Variants in GPR78 observed in about 807,000 individuals in gnomAD.
The protein encoded by GPR78 is G protein-coupled receptor 78.
Under a neutral mutation model 17.9 loss-of-function variants are expected in GPR78, and 29 were observed. The observed-to-expected ratio is 1.62, with a 90% CI of 1.20 to 2.21. The LOEUF is 2.21. Among genes scored for constraint, GPR78 ranks in the 30% most tolerant of loss-of-function variants. The pLI is 0.00. For missense variants in GPR78, 649 were observed against 530.5 expected (o/e 1.22, Z -2.19); for synonymous variants, 349 against 256.9 (o/e 1.36, Z -3.43).
intron 1 of GPR78, among the ~76,000 whole-genome samples, chr4:8,582,128 C>T (rs1713318463): frequency 6.6e-6 from 1 of 152,118 alleles, no homozygotes; most frequent in Non-Finnish European, 1.5e-5. Context: ...TTCCAAATTA[C>T]CTCCTGTAGG....
chr4:8,587,061 G>C lies in GPR78; in HGVS notation c.790G>C (p.Glu264Gln), dbSNP rs778319251. The change falls in exon 3 of 3, where the codon GAG (glutamate) becomes CAG (glutamine). Residue 264 changes from glutamate to glutamine, a missense_variant. Coordinates refer to ENST00000382487, the MANE Select transcript of GPR78 (RefSeq NM_080819.5). ...GCTCCGCTTCCCCAACAGGCTGGCG[G>C]AGCTCGTGCCCTTCGTCACCGTGAA... Reference protein sequence around the residue: ...FAPYVMTRLAELVPFVTVNAQ... With the variant: ...FAPYVMTRLAQLVPFVTVNAQ... 2 of 1,610,824 alleles carry C rather than the reference G, an allele frequency of 1.2e-6. No homozygotes were observed. The highest frequency in any genetic ancestry group is 1.7e-6 in the Non-Finnish European group (2 of 1,178,304).
chr4:8,582,492 C>T (rs1161624979), intron 1 of GPR78, 39 bp from the exon 2 acceptor site: 1 of 1,412,194 alleles, frequency 7.1e-7, no homozygotes, highest in Admixed American at 1.7e-5. Context: ...TCTGTCCCCA[C>T]CCTGCCATCA....
chr4:8,583,272 C>A (rs1015477163), intron 2 of GPR78, among the ~76,000 whole-genome samples: 1 of 152,212 alleles, frequency 6.6e-6, no homozygotes, highest in Non-Finnish European at 1.5e-5. Flanking sequence ...CTTAGCTCCA[C>A]TCAAGGAAAT....
At chr4:8,582,830 C>T (rs1713353348) in intron 2 of GPR78, 186 bp downstream of exon 2, 2 of 586,488 alleles carry the variant, frequency 3.4e-6, no homozygotes, top group African/African-American at 1.9e-5. Context: ...AGGGAGGTGG[C>T]ACTGGCTCCC....
chr4:8,580,959 G>C lies in GPR78; in HGVS notation c.-24G>C. On this transcript the variant is annotated 5_prime_UTR_variant, in exon 1 of 3. Coordinates refer to ENST00000382487, the MANE Select transcript of GPR78 (RefSeq NM_080819.5). ...CGAAGCAGAGCCATGAGAACCCCAG[G>C]GTGCCTGGCGAGCCGCTAGCGCCAT... The C allele has an allele frequency of 6.6e-7, 1 of 1,525,930 alleles. No homozygotes were observed. Among genetic ancestry groups the C allele is most frequent in the African/African-American group, 1.4e-5 (1 of 72,946 alleles). The allele number at this position is 1,525,930 out of a possible 1,614,324, so 94.5% of individuals were successfully genotyped here.
chr4:8,587,491 C>CAGG lies in GPR78; in HGVS notation c.*143_*145dup, dbSNP rs570752885. ...TTGACTTTGAGCTAAGGCTGAAGTA[C>CAGG]AGGAGGAGGAGGAGGAGAGGGCCGG... On this transcript the variant is annotated 3_prime_UTR_variant, in exon 3 of 3. Transcript: ENST00000382487. The CAGG allele has an allele frequency of 3.3e-6, 3 of 897,818 alleles. No individual in the cohort carries two copies. Among genetic ancestry groups the CAGG allele is most frequent in the Non-Finnish European group, 5.1e-6 (3 of 592,728 alleles). The allele number at this position is 897,818 out of a possible 1,614,324, so 55.6% of individuals were successfully genotyped here. A position where few individuals can be genotyped will look rare whatever the true frequency, so the allele number is the denominator to read the frequency against.
rs374264220 is a variant in GPR78 at position 8,581,203 on chromosome 4, C to T, written c.221C>T (p.Ser74Leu). ...GGTGTGATGCGCGGGCGGACACCGT[C>T]GGCGCCCGGCGCATGCCAAGTCATT... ...LLGVMRGRTP[S>L]APGACQVIGF... The change falls in exon 1 of 3, where the codon TCG becomes TTG. Residue 74 changes from serine (S) to leucine (L), a missense_variant. Transcript: ENST00000382487. The T allele has an allele frequency of 6.3e-6, 10 of 1,599,312 alleles. No individual in the cohort carries two copies. In the African/African-American group the frequency reaches 8.0e-5, roughly 13 times the overall value.
chr4:8,581,092 G>C lies in GPR78; in HGVS notation c.110G>C (p.Arg37Pro). 6.2e-7 allele frequency: 1 copy of C among 1,605,968 alleles called. No homozygotes were observed. The highest frequency in any genetic ancestry group is 8.5e-7 in the Non-Finnish European group (1 of 1,179,428). The change falls in exon 1 of 3, where the codon CGC (arginine) becomes CCC (proline). Residue 37 changes from arginine to proline, a missense_variant. Physicochemically the swap from Arg to Pro is moderately radical, Grantham distance 103. Coordinates refer to ENST00000382487, the MANE Select transcript of GPR78 (RefSeq NM_080819.5). Reference protein sequence around the residue: ...LLCCAYSAELRTRASGVLLVN... With the variant: ...LLCCAYSAELPTRASGVLLVN... Reference sequence around the variant, plus strand: ...TGTTGCGCCTACAGCGCTGAGCTCCGCACTCGAGCCTCAGGCGTCCTCCTG... The same window carrying C: ...TGTTGCGCCTACAGCGCTGAGCTCCCCACTCGAGCCTCAGGCGTCCTCCTG...
At position 8,589,894 on chromosome 4, in the gene GPR78, G is replaced by A. The variant is rs923045930; in HGVS notation, c.*2531G>A. Reference sequence around the variant, plus strand: ...TGGCTCCCACACTGGGCTATCCCTTGCCTTAGGCTTGTGGCCTTTTTTTTT... The same window carrying A: ...TGGCTCCCACACTGGGCTATCCCTTACCTTAGGCTTGTGGCCTTTTTTTTT... On this transcript the variant is annotated 3_prime_UTR_variant, in exon 3 of 3. Transcript: ENST00000382487. Among the ~76,000 whole-genome samples the A allele has an allele frequency of 6.8e-6, 1 of 146,460 alleles. No individual in the cohort carries two copies. Among genetic ancestry groups the A allele is most frequent in the African/African-American group, 2.5e-5 (1 of 39,424 alleles).
rs1387338934 is a variant in GPR78, at chr4:8,581,281, T to A, written c.299T>A (p.Leu100Gln). The A allele has an allele frequency of 6.3e-7, 1 of 1,588,992 alleles. No homozygotes were observed. ...AACGCGGCGCTGAGCGTGGCGGCGC[T>A]GAGCGCAGACCAGTGGCTGGCAGTG... Reference protein sequence around the residue: ...ASNAALSVAALSADQWLAVGF... With the variant: ...ASNAALSVAAQSADQWLAVGF... The change falls in exon 1 of 3, where the codon CTG becomes CAG. Residue 100 changes from leucine (L) to glutamine (Q), a missense_variant. Coordinates refer to ENST00000382487, the MANE Select transcript of GPR78 (RefSeq NM_080819.5).
At position 8,581,505 on chromosome 4, in the gene GPR78, A is replaced by T. The variant is rs907348878; in HGVS notation, c.523A>T (p.Thr175Ser). The change falls in exon 1 of 3, where the codon ACG (threonine) becomes TCG (serine). Residue 175 changes from threonine (T) to serine (S), a missense_variant. Thr to Ser is a moderately conservative substitution (Grantham distance 58). Transcript: ENST00000382487. Reference protein sequence around the residue: ...ERPRFAAFTATLHAVGFVLPL... With the variant: ...ERPRFAAFTASLHAVGFVLPL... ...TCCGCGCTTCGCAGCCTTCACCGCCACGCTCCATGCCGTGGGCTTCGTGCT... is the reference window on the plus strand; with the variant it reads ...TCCGCGCTTCGCAGCCTTCACCGCCTCGCTCCATGCCGTGGGCTTCGTGCT... 1 of 1,591,808 alleles carries T rather than the reference A, an allele frequency of 6.3e-7. No individual in the cohort carries two copies. Among genetic ancestry groups the T allele is most frequent in the South Asian group, 1.1e-5 (1 of 89,414 alleles).
rs1244157532 is a variant in GPR78 at position 8,581,301 on chromosome 4, G to A, written c.319G>A (p.Ala107Thr). The A allele has an allele frequency of 4.4e-6, 7 of 1,585,476 alleles. No individual in the cohort carries two copies. Among genetic ancestry groups the A allele is most frequent in the Non-Finnish European group, 6.0e-6 (7 of 1,172,018 alleles). The change falls in exon 1 of 3, where the codon GCA becomes ACA. Residue 107 changes from alanine to threonine, a missense_variant. Physicochemically the swap from Ala to Thr is moderately conservative, Grantham distance 58. Transcript: ENST00000382487. Reference sequence around the variant, plus strand: ...GGCGCTGAGCGCAGACCAGTGGCTGGCAGTGGGCTTCCCACTGCGCTACGC... The same window carrying A: ...GGCGCTGAGCGCAGACCAGTGGCTGACAGTGGGCTTCCCACTGCGCTACGC... ...VAALSADQWL[A>T]VGFPLRYAGR...
chr4:8,586,092 G>A (rs901676144), intron 2 of GPR78, among the ~76,000 whole-genome samples: 1 of 152,204 alleles, frequency 6.6e-6, no homozygotes, highest in African/African-American at 2.4e-5. Flanking sequence ...AAGTGTGCTT[G>A]TGACAGCTGT....
chr4:8,581,288 A>G lies in GPR78; in HGVS notation c.306A>G (p.Ala102=), dbSNP rs1429381759. The G allele has an allele frequency of 1.3e-6, 2 of 1,587,184 alleles. No homozygotes were observed. Among genetic ancestry groups the G allele is most frequent in the African/African-American group, 2.7e-5 (2 of 74,710 alleles). ...CGCTGAGCGTGGCGGCGCTGAGCGCAGACCAGTGGCTGGCAGTGGGCTTCC... is the reference window on the plus strand; with the variant it reads ...CGCTGAGCGTGGCGGCGCTGAGCGCGGACCAGTGGCTGGCAGTGGGCTTCC... ...NAALSVAALS[A]DQWLAVGFPL... Residue 102 remains alanine (A), a synonymous_variant, in exon 1 of 3, where the codon GCA becomes GCG. Transcript: ENST00000382487.
Position 8,581,183 on chromosome 4 carries a change from GA to G in GPR78, c.202del (p.Met68CysfsTer28). The part of the protein sequence containing the change: ...LDMPFTLLGV[M>X]RGRTPSAPGA... Reference sequence around the variant, plus strand: ...ACATGCCCTTCACGCTGCTCGGTGTGATGCGCGGGCGGACACCGTCGGCGCC... The same window carrying G: ...ACATGCCCTTCACGCTGCTCGGTGTGTGCGCGGGCGGACACCGTCGGCGCC... On this transcript the variant is annotated frameshift_variant, in exon 1 of 3. Transcript: ENST00000382487. LOFTEE classifies it high-confidence loss of function. 6.2e-7 allele frequency: 1 copy of G among 1,602,948 alleles called. No homozygotes were observed. The highest frequency in any genetic ancestry group is 8.5e-7 in the Non-Finnish European group (1 of 1,179,236).
In GPR78 at chr4:8,587,357, A is replaced by C. The variant is rs1713557357; in HGVS notation, c.1086A>C (p.Thr362=). 1 of 1,611,932 alleles carries C rather than the reference A, an allele frequency of 6.2e-7. No homozygotes were observed. Among genetic ancestry groups the C allele is most frequent in the South Asian group, 1.1e-5 (1 of 90,992 alleles). Residue 362 remains threonine, a synonymous_variant, in exon 3 of 3, where the codon ACA becomes ACC. Coordinates refer to ENST00000382487, the MANE Select transcript of GPR78 (RefSeq NM_080819.5). ...AGAATGATTCCTGCCTGCAGCAGAC[A>C]CACTGAGGGCCTGGCAGGGCTCATC... ...DTENDSCLQQ[T]H is the part of the protein sequence containing the mutation.
chr4:8,589,790 G>A lies in GPR78; in HGVS notation c.*2427G>A, dbSNP rs558592568. ...CGGGGACTGCTTGCTGTCATGTTTC[G>A]CCTTCCTCGGCAGCTCCATGGAATG... On this transcript the variant is annotated 3_prime_UTR_variant, in exon 3 of 3. Transcript: ENST00000382487. Among the ~76,000 whole-genome samples the A allele has an allele frequency of 3.9e-5, 6 of 152,276 alleles. No homozygotes were observed. Among genetic ancestry groups the A allele is most frequent in the Admixed American group, 1.3e-4 (2 of 15,304 alleles).
chr4:8,584,619 C>G (rs1435623802), intron 2 of GPR78, among the ~76,000 whole-genome samples: 2 of 152,204 alleles, frequency 1.3e-5, no homozygotes, highest in African/African-American at 4.8e-5. Flanking sequence ...GCAGGTGTTT[C>G]AGTGGGGGAG....
At position 8,587,105 on chromosome 4, in the gene GPR78, C is replaced by T. The variant is rs1471938389; in HGVS notation, c.834C>T (p.Leu278=). 2 of 1,613,342 alleles carry T rather than the reference C, an allele frequency of 1.2e-6. No homozygotes were observed. The highest frequency in any genetic ancestry group is 8.5e-7 in the Non-Finnish European group (1 of 1,179,994). Residue 278 remains leucine, a synonymous_variant, in exon 3 of 3, where the codon CTC becomes CTT. Transcript: ENST00000382487. ...CCGTGAACGCCCAGTGGGGCATCCT[C>T]AGCAAGTGCCTGACCTACAGCAAGG... ...FVTVNAQWGI[L]SKCLTYSKAV...
Sources: allele counts gnomAD v4.1 joint callset (sites outside exome capture counted in the v4.1 genomes callset), GRCh38; gene constraint gnomAD v4.1.1; transcripts MANE v1.5; gene names NCBI Gene and HGNC (gene_info 2026-07-23, HGNC 2026-07-21).